STAMBPL1: variants seen among roughly 807,000 people sequenced by gnomAD.
STAMBPL1 encodes AMSH-like protease.
In STAMBPL1, 44 loss-of-function variants were observed where a neutral mutation model predicts 52.9. That is an observed-to-expected ratio of 0.83 (90% CI 0.65 to 1.07). STAMBPL1 has a LOEUF of 1.07. STAMBPL1 is among the 50% of genes least tolerant of loss of function. The probability of loss-of-function intolerance (pLI) is 0.00; values close to 1 mark genes in which losing one functional copy is unlikely to be tolerated. For missense variants in STAMBPL1, 511 were observed against 520.8 expected (o/e 0.98, Z 0.18); for synonymous variants, 164 against 177.3 (o/e 0.92, Z 0.60).
chr10:88,908,418 C>T (rs2231785), intron 3 of STAMBPL1, among the ~76,000 whole-genome samples: 8,201 of 152,142 alleles, frequency 0.054, 569 homozygotes, highest in African/African-American at 0.16. Context: ...TCTTTTGGGG[C>T]TAAGCATGCA....
chr10:88,883,737 A>T (rs940519934), intron 1 of STAMBPL1, among the ~76,000 whole-genome samples: 2 of 152,242 alleles, frequency 1.3e-5, no homozygotes, highest in African/African-American at 4.8e-5. Context: ...AGAGACATTA[A>T]TTTGACTGGT....
At chr10:88,913,542 C>A in intron 6 of STAMBPL1, 84 bp downstream of exon 6, 1 of 1,186,576 alleles carries the variant, frequency 8.4e-7, no homozygotes, top group Non-Finnish European at 1.2e-6. Context: ...GGGTCCTTCT[C>A]ATTTCATTAT....
intron 1 of STAMBPL1, among the ~76,000 whole-genome samples, chr10:88,896,856 A>G (rs1373056483): frequency 2.6e-5 from 4 of 152,130 alleles, no homozygotes; most frequent in East Asian, 1.9e-4. Flanking sequence ...ACATACATGC[A>G]CGCACGCACA....
At chr10:88,914,013 TC>T (rs1298622793) in intron 6 of STAMBPL1, among the ~76,000 whole-genome samples, 2 of 152,326 alleles carry the variant, frequency 1.3e-5, no homozygotes, top group East Asian at 3.9e-4. Context: ...GAATTCTTCT[TC>T]GCAGACACTG....
At chr10:88,880,904 C>G (rs1005645960) in intron 1 of STAMBPL1, among the ~76,000 whole-genome samples, 3 of 152,208 alleles carry the variant, frequency 2.0e-5, no homozygotes, top group Non-Finnish European at 4.4e-5. Flanking sequence ...GATAGGGAGG[C>G]AGGAAGACCT....
rs779392226 is a variant in STAMBPL1 at position 88,914,611 on chromosome 10, A to T, written c.856A>T (p.Asn286Tyr). 3 of 1,514,956 alleles carry T rather than the reference A, an allele frequency of 2.0e-6. No individual in the cohort carries two copies. The highest frequency in any genetic ancestry group is 2.0e-5 in the Admixed American group (1 of 51,186). 93.8% of individuals were successfully genotyped at this position (1,514,956 alleles called of 1,614,324 possible). ...CAAATTTCTGCAACTGGCAGAATCT[A>T]ATACAGTGAGAGGAATAGAAACCTG... ...CHKFLQLAES[N>Y]TVRGIETCGI... is the part of the protein sequence containing the mutation. Residue 286 changes from asparagine (N) to tyrosine (Y), a missense_variant, in exon 7 of 11, where the codon AAT becomes TAT. Physicochemically the swap from Asn to Tyr is moderately radical, Grantham distance 143. Coordinates refer to ENST00000371926, the MANE Select transcript of STAMBPL1 (RefSeq NM_020799.4).
intron 2 of STAMBPL1, among the ~76,000 whole-genome samples, chr10:88,903,517 TA>T (rs375305796): frequency 5.1e-4 from 77 of 152,354 alleles, no homozygotes; most frequent in South Asian, 1.4e-3. Flanking sequence ...GTGGACTAAG[TA>T]GTAGTAAAAT....
chr10:88,897,501 T>C (rs1339054001), intron 1 of STAMBPL1, among the ~76,000 whole-genome samples: 2 of 152,162 alleles, frequency 1.3e-5, no homozygotes, highest in Non-Finnish European at 2.9e-5. Context: ...AGAGATATCT[T>C]AGAGGTTAAA....
At chr10:88,903,222 A>G (rs558347926) in intron 2 of STAMBPL1, among the ~76,000 whole-genome samples, 2 of 152,232 alleles carry the variant, frequency 1.3e-5, no homozygotes, top group Non-Finnish European at 2.9e-5. Context: ...GTTATTTTCC[A>G]GCTTATCTTT....
At chr10:88,893,143 T>G (rs1403136801) in intron 1 of STAMBPL1, among the ~76,000 whole-genome samples, 1 of 152,230 alleles carries the variant, frequency 6.6e-6, no homozygotes, top group East Asian at 1.9e-4. Flanking sequence ...CAAGTTCATA[T>G]GAATTTGTGG....
At chr10:88,913,931 G>C (rs1316540396) in intron 6 of STAMBPL1, among the ~76,000 whole-genome samples, 1 of 152,128 alleles carries the variant, frequency 6.6e-6, no homozygotes, top group Non-Finnish European at 1.5e-5. Flanking sequence ...CCTCCAAATG[G>C]ACCGTGTGTT....
chr10:88,895,048 G>A (rs1174346688), intron 1 of STAMBPL1, among the ~76,000 whole-genome samples: 1 of 152,116 alleles, frequency 6.6e-6, no homozygotes, highest in Admixed American at 6.5e-5. Context: ...CGGTTTTAGG[G>A]TAAGATCAGC....
chr10:88,898,552 G>T (rs565058805), intron 1 of STAMBPL1, among the ~76,000 whole-genome samples: 1 of 152,294 alleles, frequency 6.6e-6, no homozygotes, highest in African/African-American at 2.4e-5. Flanking sequence ...TAAGTTGACT[G>T]ACCAGTCTGT....
intron 8 of STAMBPL1, among the ~76,000 whole-genome samples, chr10:88,920,686 T>C (rs990513599): frequency 1.3e-5 from 2 of 152,172 alleles, no homozygotes; most frequent in Non-Finnish European, 2.9e-5. Context: ...TCTCCCCATG[T>C]ATTTAGTTGC....
At chr10:88,883,619 G>A (rs1332556920) in intron 1 of STAMBPL1, among the ~76,000 whole-genome samples, 3 of 152,192 alleles carry the variant, frequency 2.0e-5, no homozygotes, top group African/African-American at 7.2e-5. Flanking sequence ...AAGTGGACAG[G>A]CCAATTTAAC....
At chr10:88,884,185 A>G (rs1321238861) in intron 1 of STAMBPL1, among the ~76,000 whole-genome samples, 1 of 152,244 alleles carries the variant, frequency 6.6e-6, no homozygotes, top group Non-Finnish European at 1.5e-5. Flanking sequence ...GTAAAATATT[A>G]TGTAAAATAA....
At chr10:88,903,401 T>C (rs1844995517) in intron 2 of STAMBPL1, among the ~76,000 whole-genome samples, 2 of 152,236 alleles carry the variant, frequency 1.3e-5, no homozygotes. Flanking sequence ...GCAGGGAATA[T>C]GCTACATTCT....
chr10:88,903,629 G>A (rs1294073228), intron 2 of STAMBPL1, among the ~76,000 whole-genome samples: 2 of 152,150 alleles, frequency 1.3e-5, no homozygotes, highest in South Asian at 2.1e-4. Flanking sequence ...TGATGTCATT[G>A]AAGCAATTAT....
intron 1 of STAMBPL1, among the ~76,000 whole-genome samples, chr10:88,885,587 C>T (rs930694197): frequency 6.6e-5 from 10 of 152,262 alleles, no homozygotes; most frequent in African/African-American, 2.4e-4. Flanking sequence ...AACTTCTGTG[C>T]CATCCACTTC....
Sources: allele counts gnomAD v4.1 joint callset (sites outside exome capture counted in the v4.1 genomes callset), GRCh38; gene constraint gnomAD v4.1.1; transcripts MANE v1.5; gene names NCBI Gene and HGNC (gene_info 2026-07-23, HGNC 2026-07-21).